The following LARP4B variants were observed in gnomAD, a reference collection of about 807,000 sequenced individuals.
LARP4B encodes la-related protein 4B.
In LARP4B, 12 loss-of-function variants were observed where a neutral mutation model predicts 89.8. The observed-to-expected ratio is 0.13, with a 90% CI of 0.09 to 0.22. LARP4B has a LOEUF of 0.22. LARP4B is among the 10% of genes least tolerant of loss of function. LARP4B has a pLI of 1.00. For missense variants in LARP4B, 757 were observed against 947.7 expected, an observed-to-expected ratio of 0.80 and a Z score of 2.64; for synonymous variants, 367 against 363.3, an observed-to-expected ratio of 1.01 and a Z score of -0.12.
intron 1 of LARP4B, among the ~76,000 whole-genome samples, chr10:908,933 T>C (rs1013806087): frequency 5.9e-5 from 9 of 152,080 alleles, no homozygotes; most frequent in Non-Finnish European, 1.3e-4. Context: ...CTGAAACAGA[T>C]AGCACAATGC....
At chr10:918,939 G>T (rs1421122039) in intron 1 of LARP4B, among the ~76,000 whole-genome samples, 1 of 151,960 alleles carries the variant, frequency 6.6e-6, no homozygotes, top group African/African-American at 2.4e-5. Flanking sequence ...AAATTAGCTG[G>T]GCGTGGTGGC....
intron 7 of LARP4B, among the ~76,000 whole-genome samples, chr10:841,303 G>A (rs967159777): frequency 2.0e-5 from 3 of 152,246 alleles, no homozygotes; most frequent in Non-Finnish European, 4.4e-5. Flanking sequence ...TGTCACATAG[G>A]TTCTTACAAA....
chr10:947,332 A>G, the LARP4B span, among the ~76,000 whole-genome samples: 1 of 152,030 alleles, frequency 6.6e-6, no homozygotes, highest in Non-Finnish European at 1.5e-5. Context: ...GCACAGTTCC[A>G]TTCAGCAAGA....
In LARP4B at chr10:833,542, T is replaced by A. The variant is rs1471509642; in HGVS notation, c.751-2565A>T. 3.3e-5 allele frequency among the ~76,000 whole-genome samples: 5 copies of A among 152,310 alleles called. No homozygotes were observed. The South Asian group carries it at 8.3e-4, about 25-fold the overall frequency. ...AGCAAGATGATAAATTTAAATTTAA[T>A]CACATCATTACATCATTAACCTCTT... On this transcript the variant is annotated intron_variant, in intron 8 of 17. Transcript: ENST00000316157.
At chr10:843,614 G>A (rs149345881) in intron 6 of LARP4B, among the ~76,000 whole-genome samples, 8 of 152,188 alleles carry the variant, frequency 5.3e-5, no homozygotes, top group African/African-American at 1.2e-4. Flanking sequence ...CAGGAGAATC[G>A]CTTGAACCCG....
intron 3 of LARP4B, among the ~76,000 whole-genome samples, chr10:868,856 A>G (rs997976463): frequency 2.6e-5 from 4 of 152,232 alleles, no homozygotes; most frequent in Admixed American, 2.6e-4. Context: ...CTTAATATCA[A>G]TACTTTTCCT....
the LARP4B span, among the ~76,000 whole-genome samples, chr10:984,581 C>T: frequency 2.6e-5 from 4 of 152,116 alleles, no homozygotes; most frequent in Non-Finnish European, 4.4e-5. Context: ...CGCACAGGAA[C>T]GGAATTCTCA....
At chr10:958,165 G>A in the LARP4B span, among the ~76,000 whole-genome samples, 94 of 152,230 alleles carry the variant, frequency 6.2e-4, 1 homozygote, top group African/African-American at 2.0e-3. Context: ...ACTTGGATTT[G>A]CTCAACATCC....
chr10:959,110 G>T, the LARP4B span, among the ~76,000 whole-genome samples: 6 of 152,136 alleles, frequency 3.9e-5, no homozygotes, highest in South Asian at 2.1e-4. Flanking sequence ...ACTAGGTGTG[G>T]TTGACAGTGG....
intron 1 of LARP4B, among the ~76,000 whole-genome samples, chr10:930,846 C>A (rs868753679): frequency 1.3e-5 from 2 of 152,220 alleles, no homozygotes; most frequent in Middle Eastern, 3.4e-3. Flanking sequence ...CCGTCCCGCC[C>A]CGCACCCGCA....
intron 1 of LARP4B, among the ~76,000 whole-genome samples, chr10:925,040 G>A (rs148521345): frequency 2.5e-3 from 379 of 152,302 alleles, no homozygotes; most frequent in African/African-American, 8.8e-3. Context: ...ATGTTATAGT[G>A]TCATAAATAC....
chr10:875,788 G>A (rs906449874), intron 3 of LARP4B, among the ~76,000 whole-genome samples: 4 of 152,150 alleles, frequency 2.6e-5, no homozygotes, highest in Non-Finnish European at 4.4e-5. Flanking sequence ...TCCCAATGCT[G>A]CTGCACGGCG....
At chr10:908,936 C>T (rs1836576627) in intron 1 of LARP4B, among the ~76,000 whole-genome samples, 1 of 152,178 alleles carries the variant, frequency 6.6e-6, no homozygotes, top group African/African-American at 2.4e-5. Context: ...AAACAGATAG[C>T]ACAATGCCTG....
At position 864,142 on chromosome 10, in the gene LARP4B, G is replaced by A. The variant is rs142792528; in HGVS notation, c.270C>T (p.His90=). 31 of 1,614,088 alleles carry A rather than the reference G, an allele frequency of 1.9e-5. No homozygotes were observed. Among genetic ancestry groups the A allele is most frequent in the South Asian group, 1.1e-4 (10 of 91,088 alleles). ...SAAWEEVAGH[H]ADRGPQGSDA... is the part of the protein sequence containing the mutation. ...ACTTACCCTGCGGGCCACGGTCTGC[G>A]TGGTGGCCAGCCACCTCCTCCCATG... Residue 90 remains histidine (H), a synonymous_variant, in exon 4 of 18, where the codon CAC becomes CAT. Coordinates refer to ENST00000316157, the MANE Select transcript of LARP4B (RefSeq NM_015155.3).
chr10:984,960 C>G, the LARP4B span, among the ~76,000 whole-genome samples: 1 of 152,082 alleles, frequency 6.6e-6, no homozygotes, highest in Non-Finnish European at 1.5e-5. Context: ...AAACAAATAC[C>G]AAACAAGGTA....
chr10:938,558 G>C, the LARP4B span, among the ~76,000 whole-genome samples: 1 of 152,132 alleles, frequency 6.6e-6, no homozygotes. Flanking sequence ...CGGCCGAATT[G>C]GTTCATTGTT....
chr10:976,416 A>G, the LARP4B span, among the ~76,000 whole-genome samples: 35 of 147,646 alleles, frequency 2.4e-4, no homozygotes, highest in Non-Finnish European at 4.3e-4. Context: ...GACCCTGCCT[A>G]GTAGAATGTA....
At chr10:877,565 C>T (rs1248132648) in intron 3 of LARP4B, among the ~76,000 whole-genome samples, 1 of 152,172 alleles carries the variant, frequency 6.6e-6, no homozygotes, top group African/African-American at 2.4e-5. Context: ...ACTTTTTAGT[C>T]CAGTAATCTT....
chr10:890,341 A>T (rs1367001835), intron 1 of LARP4B, among the ~76,000 whole-genome samples: 2 of 152,228 alleles, frequency 1.3e-5, no homozygotes, highest in Non-Finnish European at 2.9e-5. Flanking sequence ...AAGAGCTGGA[A>T]ATAAATGTAA....
Sources: allele counts gnomAD v4.1 joint callset (sites outside exome capture counted in the v4.1 genomes callset), GRCh38; gene constraint gnomAD v4.1.1; transcripts MANE v1.5; gene names NCBI Gene and HGNC (gene_info 2026-07-23, HGNC 2026-07-21).